Variants in PLD5 observed in about 807,000 individuals in gnomAD.
PLD5 encodes inactive phospholipase D5.
Under a neutral mutation model 61.1 loss-of-function variants are expected in PLD5, and 36 were observed. The observed-to-expected ratio is 0.59, with a 90% CI of 0.45 to 0.78. The LOEUF (loss-of-function observed/expected upper bound fraction) is 0.78, where lower values mean the gene tolerates loss of function less well. Ranked by LOEUF, PLD5 falls within the 30% of genes least tolerant of loss-of-function variation. PLD5 has a pLI of 0.00. For synonymous variants in PLD5, 243 were observed against 242.8 expected (o/e 1.00, Z -0.01); for missense variants, 515 against 644.4 (o/e 0.80, Z 2.17).
chr1:242,302,044 G>C (rs945496000), intron 2 of PLD5, among the ~76,000 whole-genome samples: 1 of 152,210 alleles, frequency 6.6e-6, no homozygotes, highest in Non-Finnish European at 1.5e-5. Flanking sequence ...GTCTCCCAAA[G>C]TGCTGGGATT....
intron 4 of PLD5, among the ~76,000 whole-genome samples, chr1:242,257,250 G>A (rs1439118516): frequency 1.1e-4 from 16 of 152,224 alleles, no homozygotes; most frequent in African/African-American, 3.4e-4. Context: ...AAAAAGTTTT[G>A]TTATCAGCTC....
At chr1:242,108,760 T>C (rs929926106) in intron 7 of PLD5, among the ~76,000 whole-genome samples, 1 of 152,254 alleles carries the variant, frequency 6.6e-6, no homozygotes, top group Non-Finnish European at 1.5e-5. Context: ...TTTGAACTAA[T>C]GATACATTAT....
At chr1:242,168,986 C>T (rs867413417) in intron 5 of PLD5, among the ~76,000 whole-genome samples, 90 of 151,192 alleles carry the variant, frequency 6.0e-4, no homozygotes, top group Middle Eastern at 3.2e-3. Context: ...CCACAACATA[C>T]GTAATTAAGA....
At position 242,395,058 on chromosome 1, in the gene PLD5, T is replaced by TGAATATATATGA. The variant is rs1329166337; in HGVS notation, c.190-46817_190-46816insTCATATATATTC. ...GAATGTATATGTATATATGAATATA[T>TGAATATATATGA]ATGTATATATATGAATATATATGTA... is the stretch of plus-strand genomic sequence containing the variant. On this transcript the variant is annotated intron_variant, in intron 1 of 9. Coordinates refer to ENST00000536534, the MANE Select transcript of PLD5 (RefSeq NM_001372062.1). Among the ~76,000 whole-genome samples, 15 of 104,864 alleles carry TGAATATATATGA rather than the reference T, an allele frequency of 1.4e-4. 1 individual carries two copies. Among genetic ancestry groups the TGAATATATATGA allele is most frequent in the African/African-American group, 5.9e-4 (14 of 23,914 alleles). 68.8% of individuals were successfully genotyped at this position (104,864 alleles called of 152,430 possible). A position where few individuals can be genotyped will look rare whatever the true frequency, so the allele number is the denominator to read the frequency against.
chr1:242,393,858 G>T (rs961985946), intron 1 of PLD5, among the ~76,000 whole-genome samples: 1 of 146,874 alleles, frequency 6.8e-6, no homozygotes, highest in African/African-American at 2.5e-5. Context: ...TCAGGAGTTC[G>T]AGACCAGCCT....
chr1:242,278,090 G>A (rs1308022743), intron 3 of PLD5, among the ~76,000 whole-genome samples: 3 of 152,084 alleles, frequency 2.0e-5, no homozygotes, highest in African/African-American at 4.8e-5. Context: ...TTTGTTGGCG[G>A]CCATTTGGAG....
At chr1:242,455,958 C>A (rs1666931389) in intron 1 of PLD5, among the ~76,000 whole-genome samples, 1 of 152,256 alleles carries the variant, frequency 6.6e-6, no homozygotes, top group African/African-American at 2.4e-5. Flanking sequence ...CCACTGTGCC[C>A]CAGGGCAGAG....
intron 9 of PLD5, among the ~76,000 whole-genome samples, chr1:242,091,832 C>CTTTT (rs750237371): frequency 3.2e-5 from 4 of 123,432 alleles, no homozygotes; most frequent in African/African-American, 1.2e-4. Flanking sequence ...TTCTTTTTTT[C>CTTTT]TTTTTTTTTT....
chr1:242,437,463 G>A (rs968693797), intron 1 of PLD5, among the ~76,000 whole-genome samples: 18 of 152,104 alleles, frequency 1.2e-4, no homozygotes, highest in African/African-American at 3.4e-4. Context: ...TTGGGAAGCC[G>A]AGATGGGCGG....
intron 1 of PLD5, among the ~76,000 whole-genome samples, chr1:242,380,928 G>T (rs1404331481): frequency 6.6e-6 from 1 of 152,176 alleles, no homozygotes; most frequent in Non-Finnish European, 1.5e-5. Context: ...ATGGAAAAAG[G>T]AACACTTTTA....
chr1:242,216,046 C>T lies in PLD5; in HGVS notation c.735+3942G>A, dbSNP rs1048175649. Among the ~76,000 whole-genome samples, 9 of 152,174 alleles carry T rather than the reference C, an allele frequency of 5.9e-5. No individual in the cohort carries two copies. In the South Asian group the frequency reaches 8.3e-4, roughly 14 times the overall value. On this transcript the variant is annotated intron_variant, in intron 5 of 9. Transcript: ENST00000536534. ...CTGGAAGGGGTTAACATACCCCCAG[C>T]GGGGTTCCTTAGTAACAGCACACAT...
rs553629222 is a variant in PLD5, at chr1:242,511,872, G to A, written c.189+12216C>T. On this transcript the variant is annotated intron_variant, in intron 1 of 9. Coordinates refer to ENST00000536534, the MANE Select transcript of PLD5 (RefSeq NM_001372062.1). ...TGAAAATCAGGAAAAAGGTGTATAG[G>A]AGATGCTTGTACTATGTTTGCAAAT... 7.6e-4 allele frequency among the ~76,000 whole-genome samples: 116 copies of A among 152,310 alleles called. 1 individual carries two copies. The Middle Eastern group carries it at 0.02, about 27-fold the overall frequency.
chr1:242,211,510 T>C (rs1669818649), intron 5 of PLD5, among the ~76,000 whole-genome samples: 1 of 152,190 alleles, frequency 6.6e-6, no homozygotes, highest in Admixed American at 6.5e-5. Flanking sequence ...CAATTAAATC[T>C]GTACTAACTA....
chr1:242,251,179 T>C (rs2754392), intron 4 of PLD5, among the ~76,000 whole-genome samples: 1 of 152,152 alleles, frequency 6.6e-6, no homozygotes, highest in East Asian at 1.9e-4. Flanking sequence ...GCCTGGAACT[T>C]AGGAAAAACA....
chr1:242,129,048 A>G (rs529094530), intron 5 of PLD5, among the ~76,000 whole-genome samples: 22 of 152,286 alleles, frequency 1.4e-4, no homozygotes, highest in African/African-American at 4.6e-4. Flanking sequence ...ATTTATGAAC[A>G]TTCTCAGCAT....
chr1:242,195,438 G>C lies in PLD5; in HGVS notation c.735+24550C>G, dbSNP rs79003355. Among the ~76,000 whole-genome samples, 620 of 152,302 alleles carry C rather than the reference G, an allele frequency of 4.1e-3. 2 individuals are homozygous for C. The highest frequency in any genetic ancestry group is 7.1e-3 in the Non-Finnish European group (480 of 68,010). On this transcript the variant is annotated intron_variant, in intron 5 of 9. Transcript: ENST00000536534. ...CTACTTTGATGCTTATATTTTAACT[G>C]ATGAAACATTCTTCTCTTTAACAAT...
Position 242,226,408 on chromosome 1 carries a change from A to T in PLD5, c.608-6293T>A, listed in dbSNP as rs1396481057. Among the ~76,000 whole-genome samples, 4 of 152,342 alleles carry T rather than the reference A, an allele frequency of 2.6e-5. No homozygotes were observed. The East Asian group carries it at 5.8e-4, about 22-fold the overall frequency. ...GCCCCGCAGTCTACTTGTTTAACTGATGATTCATAGGCATTATTAGTAACT... is the reference window on the plus strand; with the variant it reads ...GCCCCGCAGTCTACTTGTTTAACTGTTGATTCATAGGCATTATTAGTAACT... On this transcript the variant is annotated intron_variant, in intron 4 of 9. Coordinates refer to ENST00000536534, the MANE Select transcript of PLD5 (RefSeq NM_001372062.1).
chr1:242,328,866 C>T (rs897170732), intron 2 of PLD5, among the ~76,000 whole-genome samples: 10 of 152,212 alleles, frequency 6.6e-5, no homozygotes, highest in African/African-American at 2.2e-4. Flanking sequence ...GAGCAACTTT[C>T]TGTCTCACTT....
intron 5 of PLD5, among the ~76,000 whole-genome samples, chr1:242,207,442 C>G (rs1669391450): frequency 6.6e-6 from 1 of 152,054 alleles, no homozygotes; most frequent in Non-Finnish European, 1.5e-5. Flanking sequence ...CTGCATTGGT[C>G]CCAAGCTTAT....
Sources: allele counts gnomAD v4.1 joint callset (sites outside exome capture counted in the v4.1 genomes callset), GRCh38; gene constraint gnomAD v4.1.1; transcripts MANE v1.5; gene names NCBI Gene and HGNC (gene_info 2026-07-23, HGNC 2026-07-21).